ERI1: variants seen among roughly 807,000 people sequenced by gnomAD.
ERI1 encodes 3'-5' exoribonuclease 1.
In ERI1, 39 loss-of-function variants were observed where a neutral mutation model predicts 39.7. The ratio of observed to expected loss-of-function variants is 0.98; its 90% CI spans 0.76 to 1.28. The LOEUF (loss-of-function observed/expected upper bound fraction) is 1.28. Ranked by LOEUF, ERI1 falls within the 50% of genes most tolerant of loss-of-function variation. The pLI is 0.00. For missense variants in ERI1, 581 were observed against 416.9 expected (o/e 1.39, Z -3.43); for synonymous variants, 204 against 149.6 (o/e 1.36, Z -2.65).
intron 3 of ERI1, among the ~76,000 whole-genome samples, chr8:9,086,444 G>A (rs1483689331): frequency 6.6e-6 from 1 of 152,160 alleles, no homozygotes; most frequent in Non-Finnish European, 1.5e-5. Context: ...CAGCTACTCT[G>A]GAGGCTGAGG....
chr8:9,081,868 A>G (rs559018745), intron 3 of ERI1, among the ~76,000 whole-genome samples: 1 of 152,264 alleles, frequency 6.6e-6, no homozygotes, highest in South Asian at 2.1e-4. Flanking sequence ...AAAAATAAGC[A>G]ATTTAATTAT....
intron 6 of ERI1, among the ~76,000 whole-genome samples, chr8:9,025,701 TTTGTGTG>T (rs1297549150): frequency 1.4e-5 from 2 of 147,812 alleles, no homozygotes; most frequent in African/African-American, 4.9e-5. Context: ...ATCTTTTTTT[TTTGTGTG>T]TGTGTGTGTG....
chr8:9,005,541 GTC>G (rs925868362), intron 1 of ERI1, among the ~76,000 whole-genome samples: 23 of 146,368 alleles, frequency 1.6e-4, no homozygotes, highest in Middle Eastern at 3.5e-3. Context: ...TTGAGAGGGA[GTC>G]TCTCTCTGTT....
At chr8:9,021,780 T>TG in intron 6 of ERI1, among the ~76,000 whole-genome samples, 1 of 146,760 alleles carries the variant, frequency 6.8e-6, no homozygotes, top group African/African-American at 2.5e-5. Context: ...TTTTGTTTTT[T>TG]TTTTTTTTTC....
chr8:9,015,739 AAAG>A (rs1817189106), intron 3 of ERI1, among the ~76,000 whole-genome samples: 1 of 150,272 alleles, frequency 6.7e-6, no homozygotes, highest in Non-Finnish European at 1.5e-5. Flanking sequence ...AAAAAAAAAA[AAAG>A]AGACCATCGT....
At chr8:9,059,475 G>T (rs35616716) in intron 3 of ERI1, among the ~76,000 whole-genome samples, 21,397 of 152,046 alleles carry the variant, frequency 0.14, 1,648 homozygotes, top group African/African-American at 0.17. Context: ...ATGGGAGAGA[G>T]AAGCTGAAGG....
intron 6 of ERI1, among the ~76,000 whole-genome samples, chr8:9,027,566 A>G (rs1473679650): frequency 1.3e-5 from 2 of 152,152 alleles, no homozygotes; most frequent in African/African-American, 4.8e-5. Flanking sequence ...CCATTGTCAT[A>G]AAGCCTTTTC....
intron 3 of ERI1, among the ~76,000 whole-genome samples, chr8:9,051,188 G>GA (rs756575451): frequency 2.6e-4 from 39 of 151,642 alleles, no homozygotes; most frequent in Admixed American, 1.2e-3. Flanking sequence ...ATATATATAT[G>GA]AAAAGGAGTT....
intron 5 of ERI1, among the ~76,000 whole-genome samples, chr8:9,018,672 C>G (rs769571290): frequency 6.6e-6 from 1 of 152,142 alleles, no homozygotes; most frequent in Non-Finnish European, 1.5e-5. Flanking sequence ...TTTCATGACA[C>G]TTCCTTACTC....
At chr8:9,081,822 C>T (rs1246412425) in intron 3 of ERI1, among the ~76,000 whole-genome samples, 1 of 151,966 alleles carries the variant, frequency 6.6e-6, no homozygotes, top group Non-Finnish European at 1.5e-5. Context: ...GCTCCAAAGC[C>T]AAGAGAGGGA....
intron 1 of ERI1, among the ~76,000 whole-genome samples, chr8:9,005,089 G>A (rs1384844171): frequency 1.3e-5 from 2 of 152,140 alleles, no homozygotes; most frequent in East Asian, 3.9e-4. Flanking sequence ...ACTAGTAGAA[G>A]CTATTGCATA....
At chr8:9,015,722 C>CAAAAAAAAAAAAAAAAAA (rs758835506) in intron 3 of ERI1, among the ~76,000 whole-genome samples, 2 of 56,586 alleles carry the variant, frequency 3.5e-5, no homozygotes, top group African/African-American at 1.6e-4. Flanking sequence ...ACTCTGTCTC[C>CAAAAAAAAAAAAAAAAAA]AAAAAAAAAA....
Position 9,016,358 on chromosome 8 carries a change from A to G in ERI1, c.535A>G (p.Asn179Asp), listed in dbSNP as rs1466831266. The change falls in exon 4 of 7, where the codon AAC becomes GAC. Residue 179 changes from asparagine to aspartate, a missense_variant. Physicochemically the swap from Asn to Asp is conservative, Grantham distance 23. Transcript: ENST00000250263. The stretch of plus-strand genomic sequence containing the variant: ...TCAGCAGTATGTAAGACCAGAGATT[A>G]ACACACAGCTGTCTGATTTCTGCAT... ...TFQQYVRPEI[N>D]TQLSDFCISL... 6.2e-7 allele frequency: 1 copy of G among 1,607,512 alleles called. No homozygotes were observed. The highest frequency in any genetic ancestry group is 8.5e-7 in the Non-Finnish European group (1 of 1,176,666).
At chr8:9,064,676 G>C (rs1057028270) in intron 3 of ERI1, among the ~76,000 whole-genome samples, 2 of 152,196 alleles carry the variant, frequency 1.3e-5, no homozygotes, top group African/African-American at 4.8e-5. Flanking sequence ...TGTTCCTTGG[G>C]CTGGTGGGTC....
At chr8:9,049,559 T>A (rs954781246) in intron 3 of ERI1, among the ~76,000 whole-genome samples, 1 of 151,310 alleles carries the variant, frequency 6.6e-6, no homozygotes, top group African/African-American at 2.4e-5. Context: ...AAAAAAAGCA[T>A]GAAAATATTA....
intron 3 of ERI1, among the ~76,000 whole-genome samples, chr8:9,077,666 A>G (rs568869394): frequency 6.6e-6 from 1 of 152,334 alleles, no homozygotes; most frequent in African/African-American, 2.4e-5. Context: ...TTGGTAGCCT[A>G]TGGTAAAAGT....
intron 1 of ERI1, chr8:9,004,082 G>T (rs1815686052): frequency 7.8e-7 from 1 of 1,289,152 alleles, no homozygotes; most frequent in Non-Finnish European, 1.0e-6. Context: ...AGTGCCCCTC[G>T]CTGCCTTGTG....
intron 3 of ERI1, among the ~76,000 whole-genome samples, chr8:9,058,513 C>T (rs573089364): frequency 6.6e-6 from 1 of 152,300 alleles, no homozygotes; most frequent in Admixed American, 6.5e-5. Context: ...GACATTGTGG[C>T]ATTTGGTCCA....
chr8:9,020,572 A>G (rs764285696), intron 6 of ERI1, 108 bp downstream of exon 6: 5 of 680,526 alleles, frequency 7.3e-6, no homozygotes, highest in African/African-American at 3.7e-5. Context: ...GAAAAAAGCC[A>G]TATAATTAGT....
Sources: gnomAD v4.1 joint callset for allele counts (sites outside exome capture counted in the v4.1 genomes callset) on GRCh38, gnomAD v4.1.1 for gene constraint, MANE v1.5 for transcripts, NCBI Gene and HGNC (gene_info 2026-07-23, HGNC 2026-07-21) for gene names.